HERC4: variants seen among roughly 807,000 people sequenced by gnomAD.
HERC4 encodes the protein probable E3 ubiquitin-protein ligase HERC4.
A neutral mutation model predicts 124.3 loss-of-function variants in HERC4; 28 were observed. The ratio of observed to expected loss-of-function variants is 0.23; its 90% CI spans 0.17 to 0.31. HERC4 has a LOEUF of 0.31. HERC4 is among the 10% of genes least tolerant of loss of function. The pLI, the probability that HERC4 is intolerant of heterozygous loss-of-function variation, is 1.00. For synonymous variants in HERC4, 407 were observed against 421.5 expected, an observed-to-expected ratio of 0.97 and a Z score of 0.42; for missense variants, 713 against 1,229.3, an observed-to-expected ratio of 0.58 and a Z score of 6.28.
intron 7 of HERC4, among the ~76,000 whole-genome samples, chr10:68,031,631 T>C (rs1307804767): frequency 2.0e-5 from 3 of 152,222 alleles, no homozygotes. Context: ...TCATAATTGG[T>C]CATTATATTT....
Position 68,046,235 on chromosome 10 carries a change from C to G in HERC4, c.227-1672G>C, listed in dbSNP as rs1451066790. Among the ~76,000 whole-genome samples the G allele has an allele frequency of 3.9e-5, 6 of 152,008 alleles. No individual in the cohort carries two copies. In the East Asian group the frequency reaches 1.2e-3, roughly 29 times the overall value. On this transcript the variant is annotated intron_variant, in intron 3 of 24. Transcript: ENST00000373700. Reference sequence around the variant, plus strand: ...AGTAAATGTTTAAAAGATCTGTTATCTCAGAGGCTCCAGAAAAAGTCAAGT... The same window carrying G: ...AGTAAATGTTTAAAAGATCTGTTATGTCAGAGGCTCCAGAAAAAGTCAAGT...
chr10:67,990,144 A>C, intron 14 of HERC4, 67 bp downstream of exon 14: 1 of 1,346,116 alleles, frequency 7.4e-7, no homozygotes, highest in Non-Finnish European at 1.0e-6. Flanking sequence ...CAAATGGCAA[A>C]AGAACTTATG....
chr10:68,046,935 G>A (rs1312921600), intron 3 of HERC4, among the ~76,000 whole-genome samples: 3 of 152,042 alleles, frequency 2.0e-5, no homozygotes, highest in Admixed American at 1.3e-4. Context: ...TCCTTCATGG[G>A]CTATAGAGGG....
chr10:68,026,139 A>G (rs2038885859), intron 7 of HERC4, among the ~76,000 whole-genome samples: 1 of 152,194 alleles, frequency 6.6e-6, no homozygotes, highest in Non-Finnish European at 1.5e-5. Context: ...TCTATCACCC[A>G]GGCTTGAGTG....
chr10:67,955,064 TCA>T lies in HERC4; in HGVS notation c.2090_2091del (p.Val697GlufsTer10). The T allele has an allele frequency of 1.9e-6, 3 of 1,598,984 alleles. No individual in the cohort carries two copies. The highest frequency in any genetic ancestry group is 2.6e-6 in the Non-Finnish European group (3 of 1,174,666). ...SSLFLPVIES[V>X]NPCLILVVRR... ...CGCACCACTAGAATTAAGCAGGGAT[TCA>T]CAGATTCAATCACTGGGAGAAAAAG... On this transcript the variant is annotated frameshift_variant, in exon 18 of 25. Coordinates refer to ENST00000373700, the MANE Select transcript of HERC4 (RefSeq NM_015601.4). LOFTEE classifies it high-confidence loss of function.
intron 9 of HERC4, chr10:68,010,933 G>A: frequency 8.5e-7 from 1 of 1,178,870 alleles, no homozygotes; most frequent in Non-Finnish European, 1.2e-6. Context: ...ACATTTTCAG[G>A]CTTTAGTTCT....
chr10:67,947,016 C>A (rs183773604), intron 19 of HERC4, among the ~76,000 whole-genome samples: 1 of 152,168 alleles, frequency 6.6e-6, no homozygotes, highest in Non-Finnish European at 1.5e-5. Flanking sequence ...GACCCCAATA[C>A]AATAATAGCT....
At chr10:67,985,644 C>A (rs1358102327) in intron 15 of HERC4, among the ~76,000 whole-genome samples, 1 of 152,138 alleles carries the variant, frequency 6.6e-6, no homozygotes, top group Non-Finnish European at 1.5e-5. Flanking sequence ...TTTTGGCATA[C>A]CAGCATGTCT....
chr10:68,044,578 A>G lies in HERC4; in HGVS notation c.227-15T>C. ...AACAACCTGCTCTACAGAAATCAAG[A>G]AGAGAAATATTGCATTCTAGTACAG... On this transcript the variant is annotated splice_polypyrimidine_tract_variant and intron_variant, in intron 3 of 24. Coordinates refer to ENST00000373700, the MANE Select transcript of HERC4 (RefSeq NM_015601.4). 1.9e-6 allele frequency: 3 copies of G among 1,610,004 alleles called. No individual in the cohort carries two copies. Among genetic ancestry groups the G allele is most frequent in the South Asian group, 1.1e-5 (1 of 90,320 alleles).
At chr10:68,011,765 A>ACTGG (rs1470215290) in intron 9 of HERC4, among the ~76,000 whole-genome samples, 1 of 152,224 alleles carries the variant, frequency 6.6e-6, no homozygotes, top group African/African-American at 2.4e-5. Flanking sequence ...GTAAACAAGC[A>ACTGG]CTGGCTTCAA....
intron 20 of HERC4, 152 bp downstream of exon 20, chr10:67,940,787 T>C (rs931575905): frequency 2.0e-5 from 14 of 699,522 alleles, no homozygotes; most frequent in African/African-American, 7.5e-5. Context: ...AGAAACATAA[T>C]GGATTTTCCT....
chr10:68,005,692 T>G (rs924160625), intron 9 of HERC4, among the ~76,000 whole-genome samples: 2 of 152,006 alleles, frequency 1.3e-5, no homozygotes, highest in African/African-American at 4.8e-5. Flanking sequence ...TTTAATTTTC[T>G]GTGCATCTAT....
intron 9 of HERC4, among the ~76,000 whole-genome samples, chr10:68,011,799 A>G (rs756996494): frequency 2.0e-4 from 30 of 152,190 alleles, no homozygotes; most frequent in Non-Finnish European, 3.4e-4. Context: ...GATGCATTAG[A>G]CCCTAAAAGA....
chr10:67,953,482 G>C (rs2033945352), intron 19 of HERC4, among the ~76,000 whole-genome samples: 1 of 152,146 alleles, frequency 6.6e-6, no homozygotes, highest in South Asian at 2.1e-4. Context: ...AAGTACACAA[G>C]GTAGCAAGGA....
At chr10:67,986,633 A>C (rs1365627888) in intron 15 of HERC4, among the ~76,000 whole-genome samples, 7 of 152,286 alleles carry the variant, frequency 4.6e-5, no homozygotes, top group Admixed American at 3.9e-4. Flanking sequence ...TGGGATTACA[A>C]GCATGAGCCA....
At position 68,074,721 on chromosome 10, in the gene HERC4, G is replaced by C. The variant is rs553336876; in HGVS notation, c.-109+423C>G. 3 of 152,672 alleles carry C rather than the reference G, an allele frequency of 2.0e-5. No individual in the cohort carries two copies. In the East Asian group the frequency reaches 5.8e-4, roughly 29 times the overall value. The allele number at this position is 152,672 out of a possible 1,614,324, so 9.5% of individuals were successfully genotyped here. On this transcript the variant is annotated intron_variant, in intron 1 of 24. Transcript: ENST00000373700. ...ACAGCTTCAGAGGCCGGCGGCCGAG[G>C]CTTGGCAGTGCGCGGCCTCAACCTG...
At chr10:67,953,116 G>A (rs974279585) in intron 19 of HERC4, among the ~76,000 whole-genome samples, 2 of 151,758 alleles carry the variant, frequency 1.3e-5, no homozygotes, top group African/African-American at 4.9e-5. Flanking sequence ...CATAGGAAGA[G>A]GGGGAAAACA....
chr10:68,040,635 A>G lies in HERC4; in HGVS notation c.387-2466T>C, dbSNP rs527306669. 7.1e-5 allele frequency: 15 copies of G among 212,368 alleles called. No homozygotes were observed. In the South Asian group the frequency reaches 2.3e-3, roughly 33 times the overall value. 13.2% of individuals were successfully genotyped at this position (212,368 alleles called of 1,614,324 possible). Reference sequence around the variant, plus strand: ...GCTGGGCGTGGTGGCTCAAGCCTGCAATCCCAGCATTTTGGGAGGCCAAGG... The same window carrying G: ...GCTGGGCGTGGTGGCTCAAGCCTGCGATCCCAGCATTTTGGGAGGCCAAGG... On this transcript the variant is annotated intron_variant, in intron 4 of 24. Transcript: ENST00000373700.
At chr10:68,039,321 A>C (rs2039642828) in intron 4 of HERC4, 1 of 1,384,542 alleles carries the variant, frequency 7.2e-7, no homozygotes, top group Non-Finnish European at 9.5e-7. Flanking sequence ...GTCTCAAAAA[A>C]AAAAAAAAAA....
Sources: gnomAD v4.1 joint callset for allele counts (sites outside exome capture counted in the v4.1 genomes callset) on GRCh38, gnomAD v4.1.1 for gene constraint, MANE v1.5 for transcripts, NCBI Gene and HGNC (gene_info 2026-07-23, HGNC 2026-07-21) for gene names.